IL7: variants seen among roughly 807,000 people sequenced by gnomAD.
IL7 encodes the protein interleukin 7.
In IL7, 3 loss-of-function variants were observed where a neutral mutation model predicts 21.6. That is an observed-to-expected ratio of 0.14 (90% CI 0.06 to 0.36). IL7 has a LOEUF of 0.36. IL7 is among the 10% of genes least tolerant of loss of function. The probability of loss-of-function intolerance (pLI) is 1.00; values close to 1 mark genes in which losing one functional copy is unlikely to be tolerated. For synonymous variants in IL7, 62 were observed against 68.1 expected, an observed-to-expected ratio of 0.91 and a Z score of 0.44; for missense variants, 175 against 200.2, an observed-to-expected ratio of 0.87 and a Z score of 0.76.
At chr8:78,802,499 C>T (rs61193789) in intron 1 of IL7, among the ~76,000 whole-genome samples, 9,965 of 151,178 alleles carry the variant, frequency 0.066, 458 homozygotes, top group South Asian at 0.14. Flanking sequence ...GGTGCGATCA[C>T]GGCTCACTGC....
intron 3 of IL7, among the ~76,000 whole-genome samples, chr8:78,696,994 A>G (rs561823734): frequency 1.3e-4 from 20 of 152,216 alleles, no homozygotes; most frequent in African/African-American, 3.6e-4. Context: ...GAACTGAAAA[A>G]GTTGCTGTTA....
At chr8:78,751,724 T>C (rs1812180832) in intron 2 of IL7, among the ~76,000 whole-genome samples, 1 of 152,232 alleles carries the variant, frequency 6.6e-6, no homozygotes, top group Admixed American at 6.5e-5. Context: ...TCAGGGTAAT[T>C]AGCATATCCA....
chr8:78,693,278 C>T (rs1053831177), intron 3 of IL7, among the ~76,000 whole-genome samples: 1 of 151,848 alleles, frequency 6.6e-6, no homozygotes, highest in African/African-American at 2.4e-5. Flanking sequence ...AATGGTATTT[C>T]TAGTTCTAGA....
intron 3 of IL7, chr8:78,698,471 C>A (rs778502446): frequency 1.2e-6 from 2 of 1,613,040 alleles, no homozygotes; most frequent in African/African-American, 1.3e-5. Context: ...AAACTTCAGA[C>A]CTTATCTCCC....
chr8:78,698,495 T>A, intron 3 of IL7: 1 of 1,610,384 alleles, frequency 6.2e-7, no homozygotes. Flanking sequence ...CATAAAGGGA[T>A]AGCAGCCCCT....
chr8:78,777,295 T>G (rs1813164329), intron 2 of IL7, among the ~76,000 whole-genome samples: 2 of 152,238 alleles, frequency 1.3e-5, no homozygotes, highest in Non-Finnish European at 2.9e-5. Flanking sequence ...CAAAGTTGAA[T>G]GCACAGACTT....
intron 3 of IL7, among the ~76,000 whole-genome samples, chr8:78,705,210 G>C (rs991146955): frequency 2.0e-5 from 3 of 152,216 alleles, no homozygotes; most frequent in African/African-American, 7.2e-5. Flanking sequence ...GGCTTTTTAA[G>C]TTTTCAGCAT....
chr8:78,787,862 A>G (rs1236164255), intron 2 of IL7, among the ~76,000 whole-genome samples: 1 of 152,126 alleles, frequency 6.6e-6, no homozygotes, highest in Non-Finnish European at 1.5e-5. Flanking sequence ...GTGGCTTAAA[A>G]CAACAGAAAT....
In IL7 at chr8:78,738,645, GA is replaced by G; in HGVS notation, c.229-11del. On this transcript the variant is annotated splice_polypyrimidine_tract_variant and intron_variant, in intron 3 of 5. Transcript: ENST00000263851. ...ATAAAAACATACCTTCCTATTATAGGAAAAAGTCAGAAGGGCCATGGTTCAA... is the reference window on the plus strand; with the variant it reads ...ATAAAAACATACCTTCCTATTATAGGAAAAGTCAGAAGGGCCATGGTTCAA... 6.2e-7 allele frequency: 1 copy of G among 1,609,322 alleles called. No individual in the cohort carries two copies. The highest frequency in any genetic ancestry group is 8.5e-7 in the Non-Finnish European group (1 of 1,178,190).
At chr8:78,678,764 G>A (rs1809667686) in intron 4 of IL7, 1 of 836,504 alleles carries the variant, frequency 1.2e-6, no homozygotes, top group Non-Finnish European at 1.8e-6. Context: ...GTAAGGTTAA[G>A]AATAAACACA....
intron 2 of IL7, among the ~76,000 whole-genome samples, chr8:78,740,716 T>A (rs535936377): frequency 6.6e-6 from 1 of 152,192 alleles, no homozygotes; most frequent in Admixed American, 6.5e-5. Flanking sequence ...TACTTTGAAA[T>A]TGACAGTGAG....
At chr8:78,694,557 A>G (rs78651292) in intron 3 of IL7, among the ~76,000 whole-genome samples, 1,791 of 152,270 alleles carry the variant, frequency 0.012, 17 homozygotes, top group Non-Finnish European at 0.019. Flanking sequence ...CGTTATTACA[A>G]TTCCATATGG....
In IL7 at chr8:78,776,025, C is replaced by T. The variant is rs370109944; in HGVS notation, c.147+22047G>A. Among the ~76,000 whole-genome samples the T allele has an allele frequency of 2.1e-4, 32 of 152,050 alleles. No individual in the cohort carries two copies. The East Asian group carries it at 2.1e-3, about 10-fold the overall frequency. ...TACATGGTACCAGACCCTATATATG[C>T]GGTACTTTTCTTCCTATGCATACAT... is the stretch of plus-strand genomic sequence containing the variant. On this transcript the variant is annotated intron_variant, in intron 2 of 5. Transcript: ENST00000263851.
At chr8:78,707,807 A>G (rs1373150754) in intron 3 of IL7, among the ~76,000 whole-genome samples, 2 of 151,852 alleles carry the variant, frequency 1.3e-5, no homozygotes, top group Non-Finnish European at 2.9e-5. Flanking sequence ...TTAAATTAGA[A>G]CCATTCATAG....
intron 2 of IL7, among the ~76,000 whole-genome samples, chr8:78,789,370 G>T (rs1343304129): frequency 6.6e-6 from 1 of 151,916 alleles, no homozygotes; most frequent in African/African-American, 2.4e-5. Flanking sequence ...AATTTTTATT[G>T]TAATCAATTT....
intron 2 of IL7, among the ~76,000 whole-genome samples, chr8:78,794,858 A>C (rs1300479021): frequency 6.6e-6 from 1 of 152,108 alleles, no homozygotes; most frequent in African/African-American, 2.4e-5. Context: ...AGCTTCTTGA[A>C]AAAAGATCTG....
intron 1 of IL7, among the ~76,000 whole-genome samples, chr8:78,798,536 G>A (rs1183007158): frequency 3.9e-5 from 6 of 151,988 alleles, no homozygotes; most frequent in African/African-American, 1.4e-4. Flanking sequence ...CATAAGAAAA[G>A]GCATATACAG....
intron 3 of IL7, chr8:78,711,935 A>T: frequency 8.9e-7 from 1 of 1,122,968 alleles, no homozygotes; most frequent in Non-Finnish European, 1.2e-6. Flanking sequence ...AAAAAACTTT[A>T]TATAAAGAAG....
At chr8:78,729,124 T>G (rs929627239), downstream of IL7, among the ~76,000 whole-genome samples, 1 of 152,018 alleles carries the variant, frequency 6.6e-6, no homozygotes, top group Non-Finnish European at 1.5e-5. Context: ...TGTTAAAAAT[T>G]TGAGACCAAT....
Sources: allele counts gnomAD v4.1 joint callset (sites outside exome capture counted in the v4.1 genomes callset), GRCh38; gene constraint gnomAD v4.1.1; transcripts MANE v1.5; gene names NCBI Gene and HGNC (gene_info 2026-07-23, HGNC 2026-07-21).